The following PXDNL variants were observed in gnomAD, a reference collection of about 807,000 sequenced individuals.
PXDNL encodes peroxidasin like.
PXDNL carries 145 observed loss-of-function variants against 150.8 expected under a neutral mutation model. The ratio of observed to expected loss-of-function variants is 0.96; its 90% confidence interval spans 0.84 to 1.10. The LOEUF (loss-of-function observed/expected upper bound fraction) is 1.10. Among genes scored for constraint, PXDNL ranks in the 50% least tolerant of loss-of-function variants. PXDNL has a pLI of 0.00. For missense variants in PXDNL, 2,087 were observed against 1,873.9 expected, an observed-to-expected ratio of 1.11 and a Z score of -2.10; for synonymous variants, 757 against 725.7, an observed-to-expected ratio of 1.04 and a Z score of -0.69.
chr8:51,371,393 A>G (rs1279528521), intron 19 of PXDNL, among the ~76,000 whole-genome samples: 1 of 152,250 alleles, frequency 6.6e-6, no homozygotes, highest in African/African-American at 2.4e-5. Context: ...GATATCACCA[A>G]TTCTGTTGTG....
intron 3 of PXDNL, among the ~76,000 whole-genome samples, chr8:51,573,297 C>T (rs1227338580): frequency 6.6e-6 from 1 of 151,770 alleles, no homozygotes; most frequent in African/African-American, 2.4e-5. Flanking sequence ...ATTTTCATTC[C>T]CAAATGGTGA....
intron 1 of PXDNL, among the ~76,000 whole-genome samples, chr8:51,794,925 A>T (rs1217275212): frequency 6.6e-6 from 1 of 152,224 alleles, no homozygotes; most frequent in East Asian, 1.9e-4. Context: ...TCTCGTGCAG[A>T]CACAGATAGG....
intron 8 of PXDNL, among the ~76,000 whole-genome samples, chr8:51,463,801 T>A (rs970404586): frequency 6.6e-6 from 1 of 152,004 alleles, no homozygotes; most frequent in Non-Finnish European, 1.5e-5. Context: ...ACCAAGAATA[T>A]CTCTCAAAAT....
intron 1 of PXDNL, among the ~76,000 whole-genome samples, chr8:51,756,658 T>G (rs1204247404): frequency 6.6e-6 from 1 of 152,158 alleles, no homozygotes; most frequent in Non-Finnish European, 1.5e-5. Context: ...TATGTTACTT[T>G]AGATGTATCA....
At chr8:51,495,089 C>G (rs910312606) in intron 5 of PXDNL, among the ~76,000 whole-genome samples, 3 of 152,078 alleles carry the variant, frequency 2.0e-5, no homozygotes, top group Non-Finnish European at 2.9e-5. Context: ...TCTCTCAGAC[C>G]ACAGTGCAAT....
rs182302890 is a variant in PXDNL at position 51,434,746 on chromosome 8, T to C, written c.1526-7988A>G. ...TATTATTACCCCCAAATTATGATAA[T>C]CATGAGCATTTATTAGATGAGGAAA... On this transcript the variant is annotated intron_variant, in intron 12 of 22. Coordinates refer to ENST00000356297, the MANE Select transcript of PXDNL (RefSeq NM_144651.5). Among the ~76,000 whole-genome samples, 58 of 152,268 alleles carry C rather than the reference T, an allele frequency of 3.8e-4. No homozygotes were observed. In the East Asian group the frequency reaches 9.5e-3, roughly 25 times the overall value.
intron 2 of PXDNL, among the ~76,000 whole-genome samples, chr8:51,646,608 G>C (rs2130789098): frequency 6.6e-6 from 1 of 152,190 alleles, no homozygotes; most frequent in Middle Eastern, 3.4e-3. Flanking sequence ...GACCTGGGTA[G>C]GTTTAAGAGA....
intron 4 of PXDNL, among the ~76,000 whole-genome samples, chr8:51,518,912 G>T (rs929664126): frequency 6.6e-6 from 1 of 152,132 alleles, no homozygotes; most frequent in Non-Finnish European, 1.5e-5. Flanking sequence ...GAAGGAAGAA[G>T]GGGTGGGAGG....
chr8:51,447,036 T>G lies in PXDNL; in HGVS notation c.1493A>C (p.Lys498Thr). Residue 498 changes from lysine to threonine, a missense_variant, in exon 12 of 23, where the codon AAG (lysine) becomes ACG (threonine). Coordinates refer to ENST00000356297, the MANE Select transcript of PXDNL (RefSeq NM_144651.5). ...TTTTACAGTCAGCTGCACAGACACC[T>G]TTTTCACCCCCAACGAACTGACTGC... is the stretch of plus-strand genomic sequence containing the variant. The part of the protein sequence containing the change: ...CQAVSSLGVK[K>T]VSVQLTVKPK... 6.2e-7 allele frequency: 1 copy of G among 1,612,466 alleles called. No individual in the cohort carries two copies.
At chr8:51,598,490 A>G (rs184780921) in intron 2 of PXDNL, among the ~76,000 whole-genome samples, 3 of 152,244 alleles carry the variant, frequency 2.0e-5, no homozygotes, top group South Asian at 2.1e-4. Context: ...TAAGATTATC[A>G]TATGGTTTTT....
intron 1 of PXDNL, chr8:51,721,607 C>T (rs1816730956): frequency 3.0e-6 from 1 of 336,478 alleles, no homozygotes; most frequent in Admixed American, 3.8e-5. Flanking sequence ...ACGTTGTGCA[C>T]ATGTACCCTA....
At chr8:51,486,778 A>T (rs1585514837) in intron 5 of PXDNL, among the ~76,000 whole-genome samples, 5 of 10,902 alleles carry the variant, frequency 4.6e-4, no homozygotes, top group East Asian at 3.7e-3. Flanking sequence ...ATATATATAT[A>T]TATATATATA....
chr8:51,793,003 T>A (rs1459992437), intron 1 of PXDNL, among the ~76,000 whole-genome samples: 1 of 152,130 alleles, frequency 6.6e-6, no homozygotes, highest in African/African-American at 2.4e-5. Flanking sequence ...GTTAAGCAGG[T>A]CCCAGATCCC....
intron 2 of PXDNL, among the ~76,000 whole-genome samples, chr8:51,609,623 A>G (rs1328664592): frequency 6.6e-6 from 1 of 152,262 alleles, no homozygotes; most frequent in Non-Finnish European, 1.5e-5. Context: ...TGAAACACAC[A>G]TAGATGGACA....
At position 51,453,651 on chromosome 8, in the gene PXDNL, C is replaced by T. The variant is rs1468770466; in HGVS notation, c.1117G>A (p.Gly373Arg). The T allele has an allele frequency of 6.2e-7, 1 of 1,614,004 alleles. No individual in the cohort carries two copies. The highest frequency in any genetic ancestry group is 1.3e-5 in the African/African-American group (1 of 75,046). The change falls in exon 10 of 23, where the codon GGA (glycine) becomes AGA (arginine). Residue 373 changes from glycine to arginine, a missense_variant. Physicochemically the swap from Gly to Arg is moderately radical, Grantham distance 125. Transcript: ENST00000356297. The part of the protein sequence containing the change: ...WTRDNGLELD[G>R]SRHVATSSGL... ...CTGGACGTTGCCACGTGCCTGGATC[C>T]ATCCAGCTCCAATCCATTGTCCCTG... is the stretch of plus-strand genomic sequence containing the variant.
intron 2 of PXDNL, among the ~76,000 whole-genome samples, chr8:51,625,813 A>G (rs1814350690): frequency 6.6e-6 from 1 of 152,220 alleles, no homozygotes; most frequent in Admixed American, 6.5e-5. Flanking sequence ...ATATTTATTT[A>G]AAACAGATTT....
intron 8 of PXDNL, among the ~76,000 whole-genome samples, chr8:51,466,313 A>C (rs1279569571): frequency 6.6e-6 from 1 of 152,210 alleles, no homozygotes; most frequent in Non-Finnish European, 1.5e-5. Flanking sequence ...TTCCCTATTC[A>C]ATAAATGGTG....
chr8:51,659,023 C>A (rs150114003), intron 1 of PXDNL, among the ~76,000 whole-genome samples: 1 of 152,280 alleles, frequency 6.6e-6, no homozygotes, highest in East Asian at 1.9e-4. Flanking sequence ...ATATTTCACT[C>A]AAGATCGGTC....
At chr8:51,437,638 T>C (rs1243718262) in intron 12 of PXDNL, among the ~76,000 whole-genome samples, 3 of 152,142 alleles carry the variant, frequency 2.0e-5, no homozygotes, top group Non-Finnish European at 4.4e-5. Flanking sequence ...AAATCCAGCA[T>C]CTCTTTATGA....
Sources: allele counts gnomAD v4.1 joint callset (sites outside exome capture counted in the v4.1 genomes callset), GRCh38; gene constraint gnomAD v4.1.1; transcripts MANE v1.5; gene names NCBI Gene and HGNC (gene_info 2026-07-23, HGNC 2026-07-21).